DMD: variants seen among roughly 807,000 people sequenced by gnomAD.
The protein encoded by DMD is mutant dystrophin.
Under a neutral mutation model 330.1 loss-of-function variants are expected in DMD, and 63 were observed. The observed-to-expected ratio is 0.19, with a 90% CI of 0.16 to 0.24. The LOEUF is 0.24. DMD is among the 10% of genes least tolerant of loss of function. DMD has a pLI of 1.00. For missense variants in DMD, 3,344 were observed against 2,684.1 expected, an observed-to-expected ratio of 1.25 and a Z score of -5.43; for synonymous variants, 1,223 against 959.8, an observed-to-expected ratio of 1.27 and a Z score of -5.07.
At chrX:32,043,904 A>G (rs2096033882) in intron 44 of DMD, among the ~76,000 whole-genome samples, 1 of 112,143 alleles carries the variant, frequency 8.9e-6, no homozygotes, top group Non-Finnish European at 1.9e-5. Context: ...AAATGTGAAC[A>G]CCTTTAAAAT....
At chrX:31,733,272 G>A (rs895456871) in intron 51 of DMD, among the ~76,000 whole-genome samples, 41 of 110,915 alleles carry the variant, frequency 3.7e-4, no homozygotes, top group African/African-American at 1.3e-3. Context: ...TTATAACTAG[G>A]GCATTTTAGG....
rs2091835412 is a variant in DMD at position 32,960,398 on chromosome X, A to G, written c.93+59741T>C. 4 of 112,083 alleles carry G rather than the reference A, an allele frequency of 3.6e-5. No individual in the cohort carries two copies. In the South Asian group the frequency reaches 1.1e-3, roughly 32 times the overall value. 9.2% of individuals were successfully genotyped at this position (112,083 alleles called of 1,213,427 possible). On this transcript the variant is annotated intron_variant, in intron 2 of 78. Coordinates refer to ENST00000357033, the MANE Select transcript of DMD (RefSeq NM_004006.3). ...TCTAACAGGTCAAAGCCACCTCTCT[A>G]GGATAACTCTAGCCCCACTTAAGGT...
At chrX:32,083,478 C>G (rs750994742) in intron 44 of DMD, among the ~76,000 whole-genome samples, 1 of 110,928 alleles carries the variant, frequency 9.0e-6, no homozygotes, top group East Asian at 2.9e-4. Flanking sequence ...AGGATGGTCT[C>G]TATCTCCTGA....
chrX:32,741,076 T>G (rs1426397416), intron 7 of DMD, among the ~76,000 whole-genome samples: 1 of 111,608 alleles, frequency 9.0e-6, no homozygotes, highest in Non-Finnish European at 1.9e-5. Flanking sequence ...AAGTGACTCT[T>G]GTATGTGCCG....
At chrX:33,166,067 G>T (rs1387313544) in intron 1 of DMD, among the ~76,000 whole-genome samples, 2 of 111,457 alleles carry the variant, frequency 1.8e-5, no homozygotes, top group Non-Finnish European at 3.8e-5. Context: ...GGATGCTGAA[G>T]GAAGGAAAGG....
At chrX:32,190,953 T>C (rs2096972714) in intron 44 of DMD, among the ~76,000 whole-genome samples, 2 of 109,980 alleles carry the variant, frequency 1.8e-5, no homozygotes, top group African/African-American at 3.3e-5. Flanking sequence ...TGTTGGGAAA[T>C]AAGACTCAGA....
At chrX:31,742,820 T>C (rs763639395) in intron 51 of DMD, among the ~76,000 whole-genome samples, 1 of 111,573 alleles carries the variant, frequency 9.0e-6, no homozygotes, top group African/African-American at 3.3e-5. Context: ...CAAAAGCAAT[T>C]ATAACAAAAC....
At chrX:31,292,781 G>C (rs1223771709) in intron 62 of DMD, among the ~76,000 whole-genome samples, 4 of 112,061 alleles carry the variant, frequency 3.6e-5, no homozygotes, top group Non-Finnish European at 7.5e-5. Context: ...CAATGAAAAT[G>C]TATGACAGAT....
intron 2 of DMD, among the ~76,000 whole-genome samples, chrX:32,972,076 A>G (rs1455279436): frequency 8.9e-6 from 1 of 112,203 alleles, no homozygotes; most frequent in Non-Finnish European, 1.9e-5. Context: ...TGCTACAGAT[A>G]CAATACATCC....
At chrX:32,071,575 G>A (rs2096299555) in intron 44 of DMD, among the ~76,000 whole-genome samples, 1 of 106,178 alleles carries the variant, frequency 9.4e-6, no homozygotes, top group East Asian at 3.1e-4. Context: ...GAGTTAATGG[G>A]TGCAGCACAC....
At chrX:32,579,524 T>G (rs1456500352) in intron 13 of DMD, among the ~76,000 whole-genome samples, 2 of 112,388 alleles carry the variant, frequency 1.8e-5, no homozygotes, top group South Asian at 3.6e-4. Context: ...TTATAAAAGA[T>G]ATGCCTTCTA....
chrX:32,467,450 T>C (rs2040146547), intron 23 of DMD, among the ~76,000 whole-genome samples: 1 of 110,712 alleles, frequency 9.0e-6, no homozygotes. Flanking sequence ...GAATTTGGTT[T>C]CAGGAAGAAG....
At chrX:33,292,532 G>A (rs1012091914) in intron 1 of DMD, among the ~76,000 whole-genome samples, 4 of 110,206 alleles carry the variant, frequency 3.6e-5, no homozygotes, top group Non-Finnish European at 7.6e-5. Context: ...GATGGGGTGC[G>A]GATTTCCTAG....
intron 1 of DMD, among the ~76,000 whole-genome samples, chrX:33,121,149 C>T (rs1349458453): frequency 1.8e-5 from 2 of 110,364 alleles, no homozygotes; most frequent in Non-Finnish European, 3.8e-5. Context: ...TCAATATGTA[C>T]TACGTTTTTT....
intron 66 of DMD, 46 bp downstream of exon 66, chrX:31,206,536 T>C (rs777330674): frequency 3.8e-6 from 4 of 1,055,300 alleles, no homozygotes; most frequent in African/African-American, 3.7e-5. Flanking sequence ...CTAGGGTAAT[T>C]AGCCAACATT....
intron 1 of DMD, among the ~76,000 whole-genome samples, chrX:33,117,576 T>TGGG (rs1269550593): frequency 3.3e-4 from 37 of 111,363 alleles, no homozygotes; most frequent in African/African-American, 1.1e-3. Flanking sequence ...CACATATATT[T>TGGG]TATCTCATTT....
At chrX:32,520,844 CTTTT>C (rs746203243) in intron 17 of DMD, among the ~76,000 whole-genome samples, 1 of 87,956 alleles carries the variant, frequency 1.1e-5, no homozygotes, top group Non-Finnish European at 2.2e-5. Flanking sequence ...TCCTGCCATA[CTTTT>C]TTTTTTTTTT....
chrX:32,625,200 G>A (rs1014113651), intron 11 of DMD, among the ~76,000 whole-genome samples: 2 of 111,597 alleles, frequency 1.8e-5, no homozygotes, highest in Non-Finnish European at 3.8e-5. Flanking sequence ...ATGTAGGAAG[G>A]CAATTATTCT....
intron 1 of DMD, among the ~76,000 whole-genome samples, chrX:33,293,372 C>A (rs1470559983): frequency 9.0e-6 from 1 of 111,462 alleles, no homozygotes; most frequent in Non-Finnish European, 1.9e-5. Context: ...ACAGTGGCTC[C>A]ATGATCATCA....
Sources: allele counts gnomAD v4.1 joint callset (sites outside exome capture counted in the v4.1 genomes callset), GRCh38; gene constraint gnomAD v4.1.1; transcripts MANE v1.5; gene names NCBI Gene and HGNC (gene_info 2026-07-23, HGNC 2026-07-21).